Variants in CNTN5 observed in about 807,000 individuals in gnomAD.
The protein encoded by CNTN5 is contactin-5.
Under a neutral mutation model 129.1 loss-of-function variants are expected in CNTN5, and 77 were observed. The ratio of observed to expected loss-of-function variants is 0.60; its 90% CI spans 0.50 to 0.72. CNTN5 has a LOEUF of 0.72. CNTN5 is among the 30% of genes least tolerant of loss of function. CNTN5 has a pLI of 0.00. For missense variants in CNTN5, 1,478 were observed against 1,328.8 expected (o/e 1.11, Z -1.75); for synonymous variants, 509 against 465.6 (o/e 1.09, Z -1.20).
At chr11:99,882,014 C>A (rs1194560275) in intron 6 of CNTN5, among the ~76,000 whole-genome samples, 1 of 152,094 alleles carries the variant, frequency 6.6e-6, no homozygotes, top group Non-Finnish European at 1.5e-5. Context: ...GACAGATAAG[C>A]TCAGATAGTG....
intron 3 of CNTN5, among the ~76,000 whole-genome samples, chr11:99,750,921 T>A (rs1227225036): frequency 6.6e-6 from 1 of 152,218 alleles, no homozygotes; most frequent in African/African-American, 2.4e-5. Context: ...TTTAACTATT[T>A]TGGCTTTGGA....
chr11:99,861,147 C>T (rs977321424), intron 6 of CNTN5, among the ~76,000 whole-genome samples: 2 of 151,858 alleles, frequency 1.3e-5, no homozygotes, highest in Non-Finnish European at 2.9e-5. Context: ...TTAGTACAGA[C>T]AGGGTTCCAC....
At chr11:99,949,616 T>C (rs17619176) in intron 7 of CNTN5, among the ~76,000 whole-genome samples, 5,442 of 152,254 alleles carry the variant, frequency 0.036, 125 homozygotes, top group Middle Eastern at 0.078. Context: ...TACAATTCAA[T>C]ACAACGTAAA....
intron 2 of CNTN5, among the ~76,000 whole-genome samples, chr11:99,465,587 A>T (rs1192843366): frequency 6.6e-6 from 1 of 151,558 alleles, no homozygotes; most frequent in Non-Finnish European, 1.5e-5. Context: ...ATTACTTGGT[A>T]TATAGTAGGA....
chr11:100,026,895 C>T (rs2137591901), intron 9 of CNTN5, among the ~76,000 whole-genome samples: 1 of 151,996 alleles, frequency 6.6e-6, no homozygotes, highest in South Asian at 2.1e-4. Context: ...TCCAACATAT[C>T]AATTTGTTTT....
intron 2 of CNTN5, among the ~76,000 whole-genome samples, chr11:99,407,124 T>C (rs1234552016): frequency 6.6e-6 from 1 of 152,116 alleles, no homozygotes; most frequent in Non-Finnish European, 1.5e-5. Context: ...GCAATAGTAG[T>C]TTTGCCCCAT....
At chr11:100,231,919 C>T (rs7130410) in intron 16 of CNTN5, among the ~76,000 whole-genome samples, 26,100 of 152,130 alleles carry the variant, frequency 0.17, 2,563 homozygotes, top group Non-Finnish European at 0.22. Flanking sequence ...TTTTGGAAGG[C>T]AAGGTGGGCA....
intron 7 of CNTN5, among the ~76,000 whole-genome samples, chr11:99,940,112 C>T (rs1950402414): frequency 1.3e-5 from 2 of 151,992 alleles, no homozygotes; most frequent in African/African-American, 2.4e-5. Context: ...CTATCAGCAT[C>T]TAGTGGGTGA....
At chr11:99,317,636 A>T (rs553486948) in intron 1 of CNTN5, among the ~76,000 whole-genome samples, 1 of 152,326 alleles carries the variant, frequency 6.6e-6, no homozygotes, top group African/African-American at 2.4e-5. Flanking sequence ...TGAAAAGAAT[A>T]TAACACTGCT....
intron 18 of CNTN5, among the ~76,000 whole-genome samples, chr11:100,294,965 T>C (rs1286505452): frequency 6.6e-6 from 1 of 151,610 alleles, no homozygotes; most frequent in Non-Finnish European, 1.5e-5. Context: ...GGAATTAGAG[T>C]ACCCAATTCA....
chr11:100,150,282 C>T (rs189392942), intron 13 of CNTN5, among the ~76,000 whole-genome samples: 15 of 151,992 alleles, frequency 9.9e-5, no homozygotes, highest in African/African-American at 1.7e-4. Context: ...ATACAAGTGA[C>T]GAGGCATTAG....
intron 18 of CNTN5, among the ~76,000 whole-genome samples, chr11:100,291,775 AAATAAATAAAT>A (rs1565405936): frequency 8.7e-6 from 1 of 114,808 alleles, no homozygotes; most frequent in Non-Finnish European, 2.1e-5. Flanking sequence ...ATAAATAAAT[AAATAAATAAAT>A]AAAAAATATA....
intron 2 of CNTN5, among the ~76,000 whole-genome samples, chr11:99,549,410 G>A (rs1462372788): frequency 6.6e-6 from 1 of 151,956 alleles, no homozygotes; most frequent in African/African-American, 2.4e-5. Flanking sequence ...GTGGGCCCTA[G>A]GCTTTGGTTT....
intron 8 of CNTN5, among the ~76,000 whole-genome samples, chr11:99,999,144 A>T (rs2137457466): frequency 6.6e-6 from 1 of 152,234 alleles, no homozygotes; most frequent in South Asian, 2.1e-4. Context: ...ACAAAAGCCA[A>T]AATTGACAAA....
intron 21 of CNTN5, among the ~76,000 whole-genome samples, chr11:100,330,373 G>A (rs568592244): frequency 1.3e-5 from 2 of 152,282 alleles, no homozygotes; most frequent in African/African-American, 4.8e-5. Flanking sequence ...TCCTGAAGAA[G>A]AAGAGAAATC....
At chr11:99,266,265 A>G (rs1284107966) in intron 1 of CNTN5, among the ~76,000 whole-genome samples, 4 of 152,246 alleles carry the variant, frequency 2.6e-5, no homozygotes, top group African/African-American at 7.2e-5. Context: ...TAGCATATAC[A>G]TTGTATTAGA....
chr11:99,974,133 GC>G (rs1378134471), intron 8 of CNTN5, among the ~76,000 whole-genome samples: 1 of 152,210 alleles, frequency 6.6e-6, no homozygotes, highest in Non-Finnish European at 1.5e-5. Context: ...CAGCCACTAT[GC>G]TAAAAGCATT....
At chr11:100,147,932 G>A (rs1358107600) in intron 13 of CNTN5, among the ~76,000 whole-genome samples, 1 of 152,058 alleles carries the variant, frequency 6.6e-6, no homozygotes, top group East Asian at 1.9e-4. Flanking sequence ...TAATTTAGAA[G>A]GTGTATGTTT....
chr11:99,975,876 A>AT (rs1937921374), intron 8 of CNTN5, among the ~76,000 whole-genome samples: 1 of 152,152 alleles, frequency 6.6e-6, no homozygotes, highest in Non-Finnish European at 1.5e-5. Context: ...TTAACCCATC[A>AT]TGCTTTTCCC....
Sources: allele counts gnomAD v4.1 joint callset (sites outside exome capture counted in the v4.1 genomes callset), GRCh38; gene constraint gnomAD v4.1.1; transcripts MANE v1.5; gene names NCBI Gene and HGNC (gene_info 2026-07-23, HGNC 2026-07-21).